LZTFL1: variants seen among roughly 807,000 people sequenced by gnomAD.
LZTFL1 encodes leucine zipper transcription factor-like protein 1.
A neutral mutation model predicts 45.9 loss-of-function variants in LZTFL1; 25 were observed. The observed-to-expected ratio is 0.54, with a 90% CI of 0.40 to 0.76. LZTFL1 has a LOEUF of 0.76. LZTFL1 is among the 30% of genes least tolerant of loss of function. LZTFL1 has a pLI of 0.00. For missense variants in LZTFL1, 277 were observed against 331.1 expected, an observed-to-expected ratio of 0.84 and a Z score of 1.27; for synonymous variants, 93 against 117.4, an observed-to-expected ratio of 0.79 and a Z score of 1.35.
intron 2 of LZTFL1, among the ~76,000 whole-genome samples, chr3:45,878,936 C>T (rs1304613549): frequency 6.6e-6 from 1 of 152,174 alleles, no homozygotes. Context: ...ATACATTCGA[C>T]ATCATAGGTC....
rs151198589 is a variant in LZTFL1, at chr3:45,885,509, C to T, written c.-214-26493G>A. Among the ~76,000 whole-genome samples the T allele has an allele frequency of 5.3e-5, 8 of 151,950 alleles. No homozygotes were observed. In the East Asian group the frequency reaches 1.5e-3, roughly 29 times the overall value. On this transcript the variant is annotated intron_variant, in intron 2 of 4. Transcript: ENST00000472635. Reference sequence around the variant, plus strand: ...ATGTGCAAAACCTTACTAGATTTGCCCCAATTTGAAGGTGTCTGTGGCTTT... The same window carrying T: ...ATGTGCAAAACCTTACTAGATTTGCTCCAATTTGAAGGTGTCTGTGGCTTT...
chr3:45,904,459 T>A (rs1702639343), intron 2 of LZTFL1, among the ~76,000 whole-genome samples: 1 of 152,156 alleles, frequency 6.6e-6, no homozygotes, highest in Non-Finnish European at 1.5e-5. Flanking sequence ...TTTGGCCTTG[T>A]GAGTTGCCCT....
At chr3:45,866,181 T>C (rs1392229951) in intron 2 of LZTFL1, among the ~76,000 whole-genome samples, 2 of 152,136 alleles carry the variant, frequency 1.3e-5, no homozygotes, top group East Asian at 1.9e-4. Flanking sequence ...AGGACACTTT[T>C]GGGGTGATGG....
At chr3:45,832,877 TAGA>T (rs1700866729) in intron 5 of LZTFL1, 170 bp downstream of exon 5, 1 of 557,304 alleles carries the variant, frequency 1.8e-6, no homozygotes, top group Admixed American at 3.2e-5. Flanking sequence ...TCAGGCTCTC[TAGA>T]AGGTTAAGTA....
intron 2 of LZTFL1, among the ~76,000 whole-genome samples, chr3:45,868,589 A>G (rs947060594): frequency 2.6e-5 from 4 of 152,242 alleles, no homozygotes; most frequent in Non-Finnish European, 5.9e-5. Context: ...ATAGCCTCTC[A>G]TTTTATAGTT....
chr3:45,904,800 T>C (rs1186215296), intron 2 of LZTFL1, among the ~76,000 whole-genome samples: 1 of 152,250 alleles, frequency 6.6e-6, no homozygotes, highest in Non-Finnish European at 1.5e-5. Context: ...GATGGTTCTT[T>C]TGTGCTTGCC....
Position 45,901,859 on chromosome 3 carries a change from T to C in LZTFL1, c.-215+11261A>G. On this transcript the variant is annotated intron_variant, in intron 2 of 4. Coordinates refer to the LZTFL1 transcript ENST00000472635. The surrounding 1 kb of genome is among the most constrained non-coding windows in gnomAD (Gnocchi z 4.3). ...GAGAGGGAAGCTTGAAGCTGTCGTC[T>C]ATGTTGCTGGAGACAACCTCAGGAG... 1.2e-6 allele frequency: 2 copies of C among 1,609,894 alleles called. No individual in the cohort carries two copies. Among genetic ancestry groups the C allele is most frequent in the Non-Finnish European group, 8.5e-7 (1 of 1,176,594 alleles).
chr3:45,879,885 A>G (rs937510448), intron 2 of LZTFL1, among the ~76,000 whole-genome samples: 4 of 152,258 alleles, frequency 2.6e-5, no homozygotes, highest in Non-Finnish European at 5.9e-5. Flanking sequence ...ATGTATTTAA[A>G]AAAACCCATA....
intron 1 of LZTFL1, among the ~76,000 whole-genome samples, chr3:45,839,190 G>A (rs1229930917): frequency 6.6e-6 from 1 of 152,138 alleles, no homozygotes; most frequent in Non-Finnish European, 1.5e-5. Flanking sequence ...CTGGGTTCAT[G>A]CCATTCTCCT....
intron 7 of LZTFL1, 133 bp downstream of exon 7, chr3:45,830,780 C>G (rs1700792006): frequency 1.3e-6 from 1 of 748,340 alleles, no homozygotes; most frequent in Admixed American, 2.5e-5. Flanking sequence ...TGTCCCAACA[C>G]ATGACAATAG....
At chr3:45,907,058 T>C (rs920436999) in intron 2 of LZTFL1, among the ~76,000 whole-genome samples, 2 of 152,210 alleles carry the variant, frequency 1.3e-5, no homozygotes, top group Non-Finnish European at 2.9e-5. Flanking sequence ...TCAAGGGGCA[T>C]GCAGACCTCT....
intron 4 of LZTFL1, among the ~76,000 whole-genome samples, chr3:45,848,425 T>A (rs1701252510): frequency 6.6e-6 from 1 of 152,224 alleles, no homozygotes; most frequent in African/African-American, 2.4e-5. Context: ...TTTGTATGGA[T>A]CCCATGATGT....
intron 7 of LZTFL1, among the ~76,000 whole-genome samples, chr3:45,830,188 C>T (rs1225987353): frequency 6.6e-6 from 1 of 152,178 alleles, no homozygotes; most frequent in Non-Finnish European, 1.5e-5. Context: ...GTTTACCAGA[C>T]ATTTGCAATG....
rs1488671886 is a variant in LZTFL1, at chr3:45,852,023, C to A, written c.-49+2963G>T. 2.0e-5 allele frequency among the ~76,000 whole-genome samples: 3 copies of A among 152,202 alleles called. No homozygotes were observed. In the East Asian group the frequency reaches 5.8e-4, roughly 29 times the overall value. ...TCTCCTAAAGCATTCCTAGTCCTGA[C>A]ACGTTCATCTCCCTCCCTTCTCTTA... is the stretch of plus-strand genomic sequence containing the variant. On this transcript the variant is annotated intron_variant, in intron 4 of 4. Coordinates refer to the LZTFL1 transcript ENST00000472635.
intron 2 of LZTFL1, among the ~76,000 whole-genome samples, chr3:45,884,995 C>T (rs1442905438): frequency 1.9e-5 from 2 of 107,234 alleles, no homozygotes; most frequent in African/African-American, 1.5e-4. Flanking sequence ...CCTCGCACCG[C>T]CGTTCCTTAA....
At chr3:45,886,946 G>A (rs914816522) in intron 2 of LZTFL1, among the ~76,000 whole-genome samples, 1 of 152,188 alleles carries the variant, frequency 6.6e-6, no homozygotes, top group Non-Finnish European at 1.5e-5. Context: ...GGTGCTGGGG[G>A]ACAAGATGGT....
At chr3:45,826,949 T>C (rs1383241789) in intron 9 of LZTFL1, among the ~76,000 whole-genome samples, 4 of 152,250 alleles carry the variant, frequency 2.6e-5, no homozygotes, top group African/African-American at 4.8e-5. Context: ...GACACCCATC[T>C]GCATGAATCT....
chr3:45,841,815 G>A, intron 1 of LZTFL1, 174 bp downstream of exon 1: 1 of 790,988 alleles, frequency 1.3e-6, no homozygotes, highest in Non-Finnish European at 2.0e-6. Flanking sequence ...AAGGGCTTGG[G>A]CTGCGGTTAA....
At chr3:45,884,459 G>C (rs534014994) in intron 2 of LZTFL1, among the ~76,000 whole-genome samples, 1 of 152,248 alleles carries the variant, frequency 6.6e-6, no homozygotes, top group South Asian at 2.1e-4. Flanking sequence ...CTCTAGAGCA[G>C]CTCTTCCAGA....
Sources: allele counts gnomAD v4.1 joint callset (sites outside exome capture counted in the v4.1 genomes callset), GRCh38; gene constraint gnomAD v4.1.1; non-coding constraint Gnocchi (gnomAD v3.1); transcripts MANE v1.5; gene names NCBI Gene and HGNC (gene_info 2026-07-23, HGNC 2026-07-21).